The following RIT2 variants were observed in gnomAD, a reference collection of about 807,000 sequenced individuals.
RIT2 encodes Ras like without CAAX 2.
A neutral mutation model predicts 23.7 loss-of-function variants in RIT2; 24 were observed. The ratio of observed to expected loss-of-function variants is 1.01; its 90% CI spans 0.73 to 1.43. The LOEUF is 1.43. RIT2 is among the 40% of genes most tolerant of loss of function. RIT2 has a pLI of 0.00. For missense variants in RIT2, 236 were observed against 266.9 expected (o/e 0.88, Z 0.81); for synonymous variants, 107 against 91.1 (o/e 1.17, Z -0.99).
chr18:43,109,376 C>A (rs1288442099), intron 1 of RIT2, among the ~76,000 whole-genome samples: 1 of 152,136 alleles, frequency 6.6e-6, no homozygotes, highest in Admixed American at 6.5e-5. Context: ...ATCTATTGAG[C>A]AAATCTCAAA....
intron 2 of RIT2, among the ~76,000 whole-genome samples, chr18:43,032,646 C>T (rs1911883073): frequency 6.6e-6 from 1 of 151,650 alleles, no homozygotes; most frequent in African/African-American, 2.4e-5. Flanking sequence ...AGAAACAAAC[C>T]TCAACTTGTT....
rs562322363 is a variant in RIT2, at chr18:42,964,903, A to C, written c.234+9171T>G. Among the ~76,000 whole-genome samples, 19 of 152,312 alleles carry C rather than the reference A, an allele frequency of 1.2e-4. No homozygotes were observed. The East Asian group carries it at 1.7e-3, about 14-fold the overall frequency. ...TGCGTATAAATATACTTCTTCAGCA[A>C]TTTTAAGCTTTTTGGGAGTAGCCCT... On this transcript the variant is annotated intron_variant, in intron 3 of 4. Transcript: ENST00000326695.
At chr18:42,992,308 C>T (rs574002173) in intron 2 of RIT2, among the ~76,000 whole-genome samples, 36 of 152,164 alleles carry the variant, frequency 2.4e-4, no homozygotes, top group Non-Finnish European at 4.4e-4. Context: ...ACAGCACTTT[C>T]GTTTTTTCCA....
At chr18:42,781,068 A>C (rs1913801219) in intron 4 of RIT2, among the ~76,000 whole-genome samples, 1 of 152,118 alleles carries the variant, frequency 6.6e-6, no homozygotes, top group Non-Finnish European at 1.5e-5. Flanking sequence ...TACTTGACTC[A>C]AATAATAACT....
intron 1 of RIT2, among the ~76,000 whole-genome samples, chr18:43,107,251 T>C (rs1325951919): frequency 6.6e-6 from 1 of 152,148 alleles, no homozygotes; most frequent in Non-Finnish European, 1.5e-5. Flanking sequence ...TGGTAGGTCA[T>C]TTTATCTTTC....
chr18:42,872,904 A>G (rs189504607), intron 4 of RIT2, among the ~76,000 whole-genome samples: 1 of 152,280 alleles, frequency 6.6e-6, no homozygotes. Flanking sequence ...TTGGAACATC[A>G]CACAATCCAA....
chr18:42,978,600 G>T (rs183564794), intron 2 of RIT2, among the ~76,000 whole-genome samples: 19 of 152,192 alleles, frequency 1.2e-4, no homozygotes, highest in Non-Finnish European at 8.8e-5. Context: ...TGTATACAAA[G>T]CTTTATCAGG....
intron 1 of RIT2, among the ~76,000 whole-genome samples, chr18:43,075,436 C>A (rs1005074781): frequency 6.6e-6 from 1 of 152,060 alleles, no homozygotes; most frequent in Non-Finnish European, 1.5e-5. Context: ...AAGAAATTGA[C>A]TCCTTTGTAA....
chr18:43,100,432 CTG>C (rs1913656765), intron 1 of RIT2, among the ~76,000 whole-genome samples: 1 of 152,070 alleles, frequency 6.6e-6, no homozygotes, highest in Non-Finnish European at 1.5e-5. Context: ...GTTAAAAGTG[CTG>C]TGAGTGAAAC....
At chr18:43,032,273 A>G (rs1377972793) in intron 2 of RIT2, among the ~76,000 whole-genome samples, 4 of 152,002 alleles carry the variant, frequency 2.6e-5, no homozygotes, top group Non-Finnish European at 4.4e-5. Flanking sequence ...TGTTTGAAGG[A>G]GTCATTTATG....
intron 4 of RIT2, among the ~76,000 whole-genome samples, chr18:42,758,607 G>A (rs1436169458): frequency 5.9e-5 from 9 of 151,512 alleles, no homozygotes; most frequent in African/African-American, 1.7e-4. Context: ...TCTGCCTCCC[G>A]GGTTCAGGCA....
intron 1 of RIT2, among the ~76,000 whole-genome samples, chr18:43,076,762 A>G (rs1913028548): frequency 6.6e-6 from 1 of 152,158 alleles, no homozygotes; most frequent in Non-Finnish European, 1.5e-5. Context: ...AAATCCTAAG[A>G]GAGACATTCA....
intron 2 of RIT2, among the ~76,000 whole-genome samples, chr18:42,994,574 A>C (rs1248351499): frequency 6.6e-6 from 1 of 151,710 alleles, no homozygotes; most frequent in East Asian, 1.9e-4. Flanking sequence ...GACTGCCCCC[A>C]CCCTAGCTCT....
intron 4 of RIT2, among the ~76,000 whole-genome samples, chr18:42,803,158 GCGTATTTATCGTTAGTAAATTCCAATGA>G (rs1479285328): frequency 2.0e-5 from 3 of 152,142 alleles, no homozygotes; most frequent in Non-Finnish European, 4.4e-5. Context: ...TAGATTATCT[GCGTATTTATCGTTAGTAAATTCCAATGA>G]CTTCATCATT....
At chr18:42,873,945 C>A (rs41444547) in intron 4 of RIT2, among the ~76,000 whole-genome samples, 15,532 of 152,092 alleles carry the variant, frequency 0.1, 947 homozygotes, top group Middle Eastern at 0.24. Context: ...GGGAACACAA[C>A]ATCACTTTCT....
intron 3 of RIT2, among the ~76,000 whole-genome samples, chr18:42,965,193 C>T (rs1910186662): frequency 6.6e-6 from 1 of 152,036 alleles, no homozygotes; most frequent in Admixed American, 6.5e-5. Flanking sequence ...ATGAACAAAC[C>T]AGTTTTGAGG....
rs1004562877 is a variant in RIT2, at chr18:42,973,455, T to C, written c.234+619A>G. 4.6e-4 allele frequency among the ~76,000 whole-genome samples: 70 copies of C among 151,932 alleles called. 1 individual carries two copies. Among genetic ancestry groups the C allele is most frequent in the African/African-American group, 1.7e-3 (69 of 41,434 alleles). ...TGAAAGTATTAAGTTAAATAAAATA[T>C]CCACCTTTCTTCAAAATATATCTAG... is the stretch of plus-strand genomic sequence containing the variant. On this transcript the variant is annotated intron_variant, in intron 3 of 4. Transcript: ENST00000326695.
chr18:42,771,479 A>G (rs941515625), intron 4 of RIT2, among the ~76,000 whole-genome samples: 1 of 152,166 alleles, frequency 6.6e-6, no homozygotes, highest in Non-Finnish European at 1.5e-5. Flanking sequence ...TTCAAATCCT[A>G]TGGAGCATTA....
chr18:42,944,765 C>T (rs1909688586), intron 3 of RIT2, among the ~76,000 whole-genome samples: 1 of 152,082 alleles, frequency 6.6e-6, no homozygotes, highest in South Asian at 2.1e-4. Flanking sequence ...TACTTTGGGG[C>T]TCTGTCCTGA....
Sources: gnomAD v4.1 joint callset for allele counts (sites outside exome capture counted in the v4.1 genomes callset) on GRCh38, gnomAD v4.1.1 for gene constraint, MANE v1.5 for transcripts, NCBI Gene and HGNC (gene_info 2026-07-23, HGNC 2026-07-21) for gene names.